The following TRHDE variants were observed in gnomAD, a reference collection of about 807,000 sequenced individuals.
The protein encoded by TRHDE is thyrotropin-releasing hormone-degrading ectoenzyme.
Under a neutral mutation model 125.7 loss-of-function variants are expected in TRHDE, and 72 were observed. The ratio of observed to expected loss-of-function variants is 0.57; its 90% CI spans 0.47 to 0.70. The LOEUF (loss-of-function observed/expected upper bound fraction) is 0.70, where lower values mean the gene tolerates loss of function less well. Ranked by LOEUF, TRHDE falls within the 30% of genes least tolerant of loss-of-function variation. The pLI, the probability that TRHDE is intolerant of heterozygous loss-of-function variation, is 0.00. For synonymous variants in TRHDE, 509 were observed against 509.1 expected (o/e 1.00, Z 0.00); for missense variants, 1,110 against 1,327.1 (o/e 0.84, Z 2.54).
chr12:72,137,055 T>C (rs1876002413), intron 2 of TRHDE, among the ~76,000 whole-genome samples: 1 of 152,130 alleles, frequency 6.6e-6, no homozygotes, highest in Non-Finnish European at 1.5e-5. Context: ...TTCCATTTCC[T>C]CTCTGGGAAC....
intron 12 of TRHDE, among the ~76,000 whole-genome samples, chr12:72,585,650 G>C (rs1182340467): frequency 2.0e-5 from 3 of 152,150 alleles, no homozygotes; most frequent in Non-Finnish European, 4.4e-5. Flanking sequence ...TTTTTGATTT[G>C]TTGTAAGAAG....
At chr12:72,570,258 T>C (rs990886284) in intron 10 of TRHDE, among the ~76,000 whole-genome samples, 1 of 152,178 alleles carries the variant, frequency 6.6e-6, no homozygotes, top group Non-Finnish European at 1.5e-5. Flanking sequence ...TTATGCATGA[T>C]GTATTTTTAT....
chr12:72,119,025 C>T (rs1875515162), intron 2 of TRHDE, among the ~76,000 whole-genome samples: 1 of 151,326 alleles, frequency 6.6e-6, no homozygotes, highest in South Asian at 2.1e-4. Context: ...TATTGTTTTA[C>T]TCATTTCAAT....
At chr12:72,293,198 G>GC (rs1555173794) in intron 2 of TRHDE, among the ~76,000 whole-genome samples, 1 of 144,310 alleles carries the variant, frequency 6.9e-6, no homozygotes, top group Non-Finnish European at 1.5e-5. Context: ...GGGAATATTT[G>GC]TTTTTTTTTT....
chr12:72,306,737 C>T (rs942219529), intron 2 of TRHDE: 8 of 151,944 alleles, frequency 5.3e-5, no homozygotes, highest in African/African-American at 1.7e-4. Flanking sequence ...TGTTTCTATT[C>T]CAGTGGGGTG....
chr12:72,604,720 C>A (rs1246804629), intron 12 of TRHDE, among the ~76,000 whole-genome samples: 1 of 151,986 alleles, frequency 6.6e-6, no homozygotes, highest in African/African-American at 2.4e-5. Flanking sequence ...TAGCACTTTT[C>A]TGCTGTTATT....
rs188685920 is a variant in TRHDE at position 72,222,431 on chromosome 12, G to A, written n.279+116679G>A. Among the ~76,000 whole-genome samples, 7 of 152,198 alleles carry A rather than the reference G, an allele frequency of 4.6e-5. No homozygotes were observed. The East Asian group carries it at 5.8e-4, about 13-fold the overall frequency. On this transcript the variant is annotated intron_variant and non_coding_transcript_variant, in intron 2 of 4. Coordinates refer to the TRHDE transcript ENST00000548156. ...TCTCTCTGCACTGATAACTGGCATC[G>A]TAGATCAATGATTTTCAAATGTTAG...
At chr12:72,644,507 C>A (rs1011806948) in intron 15 of TRHDE, among the ~76,000 whole-genome samples, 5 of 152,172 alleles carry the variant, frequency 3.3e-5, no homozygotes, top group Admixed American at 6.5e-5. Flanking sequence ...TTCTTGACAG[C>A]CTCTTAGGGA....
At chr12:72,440,110 CA>C (rs1300521857) in intron 3 of TRHDE, among the ~76,000 whole-genome samples, 3 of 152,020 alleles carry the variant, frequency 2.0e-5, no homozygotes, top group African/African-American at 7.2e-5. Context: ...GGATGAATCC[CA>C]CTCGATAATG....
At chr12:72,515,424 C>CATAA (rs1878800915) in intron 6 of TRHDE, among the ~76,000 whole-genome samples, 1 of 151,372 alleles carries the variant, frequency 6.6e-6, no homozygotes, top group Admixed American at 6.6e-5. Flanking sequence ...TTTTTGGCTG[C>CATAA]ATAAATGTCT....
chr12:72,644,224 T>C (rs1874185323), intron 15 of TRHDE, among the ~76,000 whole-genome samples: 1 of 152,158 alleles, frequency 6.6e-6, no homozygotes, highest in Admixed American at 6.5e-5. Flanking sequence ...TCAGAATCTC[T>C]ACTCCCTAGC....
chr12:72,524,216 C>G (rs78662992), intron 6 of TRHDE, among the ~76,000 whole-genome samples: 1 of 152,104 alleles, frequency 6.6e-6, no homozygotes, highest in Non-Finnish European at 1.5e-5. Context: ...TTATCCTCTC[C>G]GTAAACTCTC....
chr12:72,498,766 C>T (rs1253020088), intron 5 of TRHDE, among the ~76,000 whole-genome samples: 1 of 152,136 alleles, frequency 6.6e-6, no homozygotes, highest in Non-Finnish European at 1.5e-5. Flanking sequence ...ATACTAATGT[C>T]TCAACATGCA....
chr12:72,286,645 T>G, intron 1 of TRHDE, 36 bp from the exon 2 acceptor site: 1 of 1,590,538 alleles, frequency 6.3e-7, no homozygotes, highest in Non-Finnish European at 8.6e-7. Flanking sequence ...ACTCACAACA[T>G]AAATGTAATT....
chr12:72,649,220 G>T (rs2136107352), intron 15 of TRHDE, among the ~76,000 whole-genome samples: 1 of 151,452 alleles, frequency 6.6e-6, no homozygotes, highest in African/African-American at 2.4e-5. Flanking sequence ...AGAATATAAA[G>T]CCAAAAATAA....
chr12:72,255,742 A>G (rs890406528), intron 2 of TRHDE: 1 of 148,410 alleles, frequency 6.7e-6, no homozygotes, highest in African/African-American at 2.5e-5. Flanking sequence ...AGGACATTGC[A>G]TTCCCAGCAC....
intron 5 of TRHDE, among the ~76,000 whole-genome samples, chr12:72,484,987 C>A (rs1877335196): frequency 6.6e-6 from 1 of 152,112 alleles, no homozygotes; most frequent in Admixed American, 6.5e-5. Flanking sequence ...CTCCGTCACC[C>A]CATTCCCTGA....
chr12:72,274,134 G>C (rs750975622), intron 1 of TRHDE, among the ~76,000 whole-genome samples: 79 of 152,132 alleles, frequency 5.2e-4, no homozygotes, highest in Non-Finnish European at 8.5e-4. Context: ...GGAGTGAAAA[G>C]AGTGGTTTCC....
At chr12:72,644,954 C>T (rs1362501927) in intron 15 of TRHDE, among the ~76,000 whole-genome samples, 1 of 152,198 alleles carries the variant, frequency 6.6e-6, no homozygotes, top group African/African-American at 2.4e-5. Flanking sequence ...CTGCTTCTCC[C>T]TGGGAATAAA....
Sources: allele counts gnomAD v4.1 joint callset (sites outside exome capture counted in the v4.1 genomes callset), GRCh38; gene constraint gnomAD v4.1.1; transcripts MANE v1.5; gene names NCBI Gene and HGNC (gene_info 2026-07-23, HGNC 2026-07-21).